KHDC1: variants seen among roughly 807,000 people sequenced by gnomAD.
KHDC1 encodes the protein KH domain containing 1.
Under a neutral mutation model 24.7 loss-of-function variants are expected in KHDC1, and 21 were observed. The ratio of observed to expected loss-of-function variants is 0.85; its 90% CI spans 0.60 to 1.23. The LOEUF (loss-of-function observed/expected upper bound fraction) is 1.23. KHDC1 is among the 50% of genes most tolerant of loss of function. The probability of loss-of-function intolerance (pLI) is 0.00; values close to 1 mark genes in which losing one functional copy is unlikely to be tolerated. For synonymous variants in KHDC1, 98 were observed against 111.7 expected, an observed-to-expected ratio of 0.88 and a Z score of 0.77; for missense variants, 274 against 298.5, an observed-to-expected ratio of 0.92 and a Z score of 0.61.
At chr6:73,253,952 T>A (rs1441796808) in intron 2 of KHDC1, among the ~76,000 whole-genome samples, 1 of 151,902 alleles carries the variant, frequency 6.6e-6, no homozygotes, top group East Asian at 1.9e-4. Context: ...ACAGTAAAAT[T>A]AGACTTAAAT....
chr6:73,261,929 C>T (rs1177057228), intron 2 of KHDC1, among the ~76,000 whole-genome samples: 1 of 149,684 alleles, frequency 6.7e-6, no homozygotes, highest in African/African-American at 2.5e-5. Flanking sequence ...AAAAAAAAAG[C>T]CTAGCTGGGC....
At chr6:73,257,439 T>G (rs114949686) in intron 2 of KHDC1, among the ~76,000 whole-genome samples, 2,307 of 152,330 alleles carry the variant, frequency 0.015, 26 homozygotes, top group East Asian at 0.056. Context: ...GAAGTCTCAC[T>G]CTTTCGCCAG....
At chr6:73,250,508 GA>G (rs1222425205) in intron 2 of KHDC1, among the ~76,000 whole-genome samples, 6 of 152,242 alleles carry the variant, frequency 3.9e-5, no homozygotes, top group African/African-American at 9.6e-5. Context: ...ACACAAGGTG[GA>G]AAGGGAGGCA....
intron 2 of KHDC1, among the ~76,000 whole-genome samples, chr6:73,289,871 C>T (rs1317131879): frequency 3.3e-5 from 5 of 151,780 alleles, no homozygotes; most frequent in East Asian, 1.9e-4. Context: ...GAGGCCGAGG[C>T]GGGTGGATCA....
intron 1 of KHDC1, among the ~76,000 whole-genome samples, chr6:73,303,400 C>A (rs997696676): frequency 6.6e-6 from 1 of 152,104 alleles, no homozygotes; most frequent in African/African-American, 2.4e-5. Flanking sequence ...GCAAAATTGA[C>A]CCCTGATGCT....
intron 2 of KHDC1, among the ~76,000 whole-genome samples, chr6:73,260,366 A>G (rs904684504): frequency 6.6e-6 from 1 of 152,278 alleles, no homozygotes; most frequent in Non-Finnish European, 1.5e-5. Context: ...ATTTATCCTC[A>G]ATGTCCAGAA....
chr6:73,242,224 T>C, exon 4 of KHDC1: 1 of 1,613,194 alleles, frequency 6.2e-7, no homozygotes. Context: ...AGCGAAGGTA[T>C]GTGTCACCAT....
At chr6:73,309,577 G>C in exon 1 of KHDC1, 1 of 1,534,952 alleles carries the variant, frequency 6.5e-7, no homozygotes. Context: ...TCCAAAGGTG[G>C]AAAGACACTG....
At position 73,244,156 on chromosome 6, in the gene KHDC1, AAT is replaced by A. The variant is rs529512062; in HGVS notation, c.207-1628_207-1627del. ...AAATATTGAAAAATATTATTAATAA[AAT>A]AGTTTAAAACTCACTCCATATTACG... On this transcript the variant is annotated intron_variant, in intron 2 of 4. Coordinates refer to ENST00000370384, the Ensembl canonical transcript of KHDC1. Among the ~76,000 whole-genome samples, 14 of 152,292 alleles carry A rather than the reference AAT, an allele frequency of 9.2e-5. No individual in the cohort carries two copies. In the East Asian group the frequency reaches 2.5e-3, roughly 27 times the overall value.
At chr6:73,282,525 T>A (rs1384677725) in intron 2 of KHDC1, among the ~76,000 whole-genome samples, 2 of 152,216 alleles carry the variant, frequency 1.3e-5, no homozygotes, top group Non-Finnish European at 2.9e-5. Flanking sequence ...CAAACCTCCT[T>A]GCCTGGGGAC....
At chr6:73,278,580 C>A (rs986468669) in intron 2 of KHDC1, among the ~76,000 whole-genome samples, 3 of 152,088 alleles carry the variant, frequency 2.0e-5, no homozygotes, top group Admixed American at 2.0e-4. Flanking sequence ...ATTTATAGTA[C>A]TTTTTCAGTA....
intron 2 of KHDC1, among the ~76,000 whole-genome samples, chr6:73,253,627 A>G (rs917117112): frequency 6.6e-6 from 1 of 151,432 alleles, no homozygotes; most frequent in Non-Finnish European, 1.5e-5. Flanking sequence ...GGCCAGGTGC[A>G]CTAAGTCACA....
At position 73,309,563 on chromosome 6, in the gene KHDC1, C is replaced by A. The variant is rs868362643; in HGVS notation, c.152G>T (p.Arg51Leu). ...CTAAAGCCACTCACCTCGATTTCTG[C>A]GGATCCAAAGGTGGAAAGACACTGT... The change falls in exon 1 of 5, where the codon CGC becomes CTC. Residue 51 changes from arginine to leucine, a missense_variant. Arg to Leu is a moderately radical substitution (Grantham distance 102, BLOSUM62 -2). Coordinates refer to ENST00000370384, the Ensembl canonical transcript of KHDC1. 4 of 1,517,718 alleles carry A rather than the reference C, an allele frequency of 2.6e-6. No individual in the cohort carries two copies. In the East Asian group the frequency reaches 9.9e-5, roughly 38 times the overall value. 94.0% of individuals were successfully genotyped at this position (1,517,718 alleles called of 1,614,324 possible).
At chr6:73,291,182 A>G in intron 2 of KHDC1, 2 of 484,300 alleles carry the variant, frequency 4.1e-6, no homozygotes, top group Non-Finnish European at 8.2e-6. Flanking sequence ...TGAAGATTGG[A>G]GCACTTAGCC....
At chr6:73,270,882 G>A (rs1227347336) in intron 2 of KHDC1, among the ~76,000 whole-genome samples, 1 of 151,900 alleles carries the variant, frequency 6.6e-6, no homozygotes, top group African/African-American at 2.4e-5. Flanking sequence ...AGTAGAGACG[G>A]GGTTTTACCA....
intron 1 of KHDC1, among the ~76,000 whole-genome samples, chr6:73,308,070 ATTTT>A (rs35521120): frequency 8.9e-6 from 1 of 111,974 alleles, no homozygotes; most frequent in Non-Finnish European, 1.8e-5. Flanking sequence ...GGCCCAGCTA[ATTTT>A]TTTTTTTTTT....
chr6:73,272,237 C>T (rs949273625), intron 2 of KHDC1, among the ~76,000 whole-genome samples: 1 of 151,630 alleles, frequency 6.6e-6, no homozygotes, highest in Non-Finnish European at 1.5e-5. Flanking sequence ...GATCTCGGCT[C>T]ACTGCAATCT....
intron 2 of KHDC1, among the ~76,000 whole-genome samples, chr6:73,255,214 C>CTTTTT (rs765910035): frequency 2.5e-5 from 3 of 121,266 alleles, no homozygotes; most frequent in Admixed American, 8.4e-5. Context: ...AAAAAATAAA[C>CTTTTT]TTTTTTTTTT....
chr6:73,278,128 TAGCCTCCTGAGTAGC>T (rs578199066), intron 2 of KHDC1, among the ~76,000 whole-genome samples: 323 of 150,504 alleles, frequency 2.1e-3, no homozygotes, highest in African/African-American at 7.0e-3. Flanking sequence ...TCTCCTGCCT[TAGCCTCCTGAGTAGC>T]TAGGATTACA....
Sources: allele counts gnomAD v4.1 joint callset (sites outside exome capture counted in the v4.1 genomes callset), GRCh38; gene constraint gnomAD v4.1.1; transcripts MANE v1.5; gene names NCBI Gene and HGNC (gene_info 2026-07-23, HGNC 2026-07-21).